The following CDK13 variants were observed in gnomAD, a reference collection of about 807,000 sequenced individuals.
CDK13 encodes the protein cyclin dependent kinase 13, also known as cyclin-dependent kinase 13.
A neutral mutation model predicts 137.6 loss-of-function variants in CDK13; 40 were observed. The observed-to-expected ratio is 0.29, with a 90% CI of 0.23 to 0.38. The LOEUF (loss-of-function observed/expected upper bound fraction) is 0.38, where lower values mean the gene tolerates loss of function less well. Among genes scored for constraint, CDK13 ranks in the 10% least tolerant of loss-of-function variants. The probability of loss-of-function intolerance (pLI) is 1.00; values close to 1 mark genes in which losing one functional copy is unlikely to be tolerated. For synonymous variants in CDK13, 869 were observed against 760.1 expected (o/e 1.14, Z -2.36); for missense variants, 1,704 against 1,951.8 (o/e 0.87, Z 2.39).
At chr7:39,959,587 C>T (rs1787544085) in intron 1 of CDK13, among the ~76,000 whole-genome samples, 1 of 151,544 alleles carries the variant, frequency 6.6e-6, no homozygotes, top group East Asian at 1.9e-4. Context: ...ACCTCAGCCT[C>T]CCGAGTAGCT....
intron 1 of CDK13, among the ~76,000 whole-genome samples, chr7:39,978,356 C>CT (rs1477860988): frequency 6.6e-6 from 1 of 151,672 alleles, no homozygotes; most frequent in Non-Finnish European, 1.5e-5. Context: ...TTTTCTTTTT[C>CT]TTTTTTTGAA....
At chr7:40,024,054 C>T (rs963550770) in intron 5 of CDK13, among the ~76,000 whole-genome samples, 1 of 152,160 alleles carries the variant, frequency 6.6e-6, no homozygotes, top group Non-Finnish European at 1.5e-5. Flanking sequence ...TTTTAACTTT[C>T]CATGTATTTA....
chr7:40,035,405 C>T (rs1785460095), intron 5 of CDK13, among the ~76,000 whole-genome samples: 3 of 151,986 alleles, frequency 2.0e-5, no homozygotes, highest in South Asian at 2.1e-4. Flanking sequence ...GGAAGGTGAG[C>T]GAGTGAAGCT....
At chr7:39,980,074 C>G (rs1784192316) in intron 1 of CDK13, among the ~76,000 whole-genome samples, 1 of 152,172 alleles carries the variant, frequency 6.6e-6, no homozygotes, top group Non-Finnish European at 1.5e-5. Context: ...TTGTGTTGTT[C>G]TAAACTGCTG....
chr7:40,021,913 A>T (rs1248595030), intron 5 of CDK13, among the ~76,000 whole-genome samples: 1 of 152,218 alleles, frequency 6.6e-6, no homozygotes, highest in Non-Finnish European at 1.5e-5. Context: ...ATCAAGGTAT[A>T]TTTATGGGAA....
In CDK13 at chr7:39,988,184, T is replaced by G; in HGVS notation, c.1797T>G (p.His599Gln). Residue 599 changes from histidine to glutamine, a missense_variant, in exon 2 of 14, where the codon CAT becomes CAG. This residue lies in a region of CDK13 where 1,051 missense variants were observed against 931.0 expected (regional missense o/e 1.13). Transcript: ENST00000181839. ...PSIGAKEKEQHVALVTSTLPP... is the reference protein window; with the variant it reads ...PSIGAKEKEQQVALVTSTLPP... ...TAGGAGCCAAGGAGAAGGAGCAACA[T>G]GTAGCTTTAGTCACCTCTACATTAC... 1 of 1,614,126 alleles carries G rather than the reference T, an allele frequency of 6.2e-7. No homozygotes were observed. The highest frequency in any genetic ancestry group is 8.5e-7 in the Non-Finnish European group (1 of 1,180,018).
intron 7 of CDK13, among the ~76,000 whole-genome samples, chr7:40,051,265 T>C (rs547445383): frequency 7.7e-4 from 90 of 117,302 alleles, no homozygotes; most frequent in South Asian, 1.6e-3. Context: ...AAACTTCTCT[T>C]TTTTTTTTTT....
chr7:40,026,569 C>T (rs1413698051), intron 5 of CDK13, among the ~76,000 whole-genome samples: 26 of 152,206 alleles, frequency 1.7e-4, no homozygotes, highest in Admixed American at 1.7e-3. Context: ...GTTTTTCTTA[C>T]TCTTTCCTTA....
Position 39,997,479 on chromosome 7 carries a change from T to TTCACTTTTATTTGTCTG in CDK13, c.1872-13_1872-12insACTTTTATTTGTCTGTC, listed in dbSNP as rs765137296. On this transcript the variant is annotated splice_polypyrimidine_tract_variant and intron_variant, in intron 2 of 13. Transcript: ENST00000181839. ...AAAATTTTTGTTTTATTTGTCTGAC[T>TTCACTTTTATTTGTCTG]TCTTTCACTTTCAGCTTACGAGGAA... is the stretch of plus-strand genomic sequence containing the variant. 46 of 1,584,562 alleles carry TTCACTTTTATTTGTCTG rather than the reference T, an allele frequency of 2.9e-5. No individual in the cohort carries two copies. The East Asian group carries it at 9.9e-4, about 34-fold the overall frequency.
chr7:40,054,905 C>G (rs1175375077), intron 7 of CDK13, among the ~76,000 whole-genome samples: 1 of 151,942 alleles, frequency 6.6e-6, no homozygotes, highest in African/African-American at 2.4e-5. Flanking sequence ...GAAGGACTGG[C>G]CTTGGTGTCT....
chr7:40,022,157 CT>C (rs1433878439), intron 5 of CDK13, among the ~76,000 whole-genome samples: 3 of 152,188 alleles, frequency 2.0e-5, no homozygotes, highest in Non-Finnish European at 4.4e-5. Flanking sequence ...CCAGAGTTTT[CT>C]TAGGGCCTCT....
chr7:39,992,192 G>GTA (rs1562716951), intron 2 of CDK13, among the ~76,000 whole-genome samples: 22 of 129,052 alleles, frequency 1.7e-4, no homozygotes, highest in African/African-American at 5.2e-4. Flanking sequence ...GTGTGTGTGT[G>GTA]TGTGTGTGTA....
At position 40,086,496 on chromosome 7, in the gene CDK13, A is replaced by G. The variant is rs552983803; in HGVS notation, c.3030-1630A>G. ...AGGTACAACAGTAACGTTCCATTAAATACTTAATTAGGGTAAGAAGAAAGC... is the reference window on the plus strand; with the variant it reads ...AGGTACAACAGTAACGTTCCATTAAGTACTTAATTAGGGTAAGAAGAAAGC... On this transcript the variant is annotated intron_variant, in intron 11 of 13. Transcript: ENST00000181839. Among the ~76,000 whole-genome samples the G allele has an allele frequency of 2.0e-3, 305 of 152,338 alleles. 1 individual carries two copies. Among genetic ancestry groups the G allele is most frequent in the Admixed American group, 3.8e-3 (58 of 15,302 alleles).
intron 5 of CDK13, among the ~76,000 whole-genome samples, chr7:40,021,102 CGT>C (rs1562733034): frequency 1.8e-4 from 3 of 16,292 alleles, no homozygotes; most frequent in Non-Finnish European, 1.9e-4. Context: ...AGCAAACAAA[CGT>C]ATATATATAT....
At chr7:39,978,983 A>AT (rs1238428709) in intron 1 of CDK13, among the ~76,000 whole-genome samples, 1 of 152,194 alleles carries the variant, frequency 6.6e-6, no homozygotes, top group East Asian at 1.9e-4. Context: ...CTGTGAAACA[A>AT]TAAGTAAAGC....
At chr7:40,055,778 C>T (rs1786006809) in intron 7 of CDK13, among the ~76,000 whole-genome samples, 1 of 151,914 alleles carries the variant, frequency 6.6e-6, no homozygotes, top group South Asian at 2.1e-4. Context: ...GGTGGGGTTT[C>T]ACCATGTTGG....
Position 40,095,047 on chromosome 7 carries a change from G to A in CDK13, c.*67G>A. 1 of 1,280,540 alleles carries A rather than the reference G, an allele frequency of 7.8e-7. No homozygotes were observed. The highest frequency in any genetic ancestry group is 1.0e-6 in the Non-Finnish European group (1 of 984,270). The allele number at this position is 1,280,540 out of a possible 1,614,324, so 79.3% of individuals were successfully genotyped here. A position where few individuals can be genotyped will look rare whatever the true frequency, so the allele number is the denominator to read the frequency against. On this transcript the variant is annotated 3_prime_UTR_variant, in exon 14 of 14. Coordinates refer to ENST00000181839, the MANE Select transcript of CDK13 (RefSeq NM_003718.5). The stretch of plus-strand genomic sequence containing the variant: ...ACTTTTCTAGCTGCAATTTAAGGCA[G>A]CAATCCAAGAGACTTGAATAATAAT...
chr7:40,020,377 T>G (rs1284360233), intron 5 of CDK13, among the ~76,000 whole-genome samples: 1 of 152,090 alleles, frequency 6.6e-6, no homozygotes, highest in East Asian at 1.9e-4. Flanking sequence ...CCAAATTGTT[T>G]TATCGCCTCA....
chr7:40,015,867 T>C (rs1784993152), intron 5 of CDK13, among the ~76,000 whole-genome samples: 1 of 152,104 alleles, frequency 6.6e-6, no homozygotes, highest in Non-Finnish European at 1.5e-5. Context: ...AAACGAGTCA[T>C]TGGTTGCGAT....
Sources: gnomAD v4.1 joint callset for allele counts (sites outside exome capture counted in the v4.1 genomes callset) on GRCh38, gnomAD v4.1.1 for gene constraint, gnomAD v4.1.1 regional missense constraint, MANE v1.5 for transcripts, NCBI Gene and HGNC (gene_info 2026-07-23, HGNC 2026-07-21) for gene names.